Variants in OGA observed in about 807,000 individuals in gnomAD.
The protein encoded by OGA is protein O-GlcNAcase.
OGA carries 21 observed loss-of-function variants against 102.0 expected under a neutral mutation model. That is an observed-to-expected ratio of 0.21 (90% CI 0.15 to 0.30). The LOEUF is 0.30. OGA is among the 10% of genes least tolerant of loss of function. The probability of loss-of-function intolerance (pLI) is 1.00; values close to 1 mark genes in which losing one functional copy is unlikely to be tolerated. For synonymous variants in OGA, 408 were observed against 378.2 expected, an observed-to-expected ratio of 1.08 and a Z score of -0.91; for missense variants, 765 against 1,107.8, an observed-to-expected ratio of 0.69 and a Z score of 4.39.
chr10:101,792,260 G>A (rs966819637), intron 12 of OGA, among the ~76,000 whole-genome samples: 3 of 151,576 alleles, frequency 2.0e-5, no homozygotes, highest in Non-Finnish European at 4.4e-5. Context: ...CGCCTGTCTC[G>A]GCCTCCCAAA....
intron 6 of OGA, among the ~76,000 whole-genome samples, chr10:101,805,726 CG>C (rs947271932): frequency 2.7e-5 from 4 of 149,738 alleles, no homozygotes; most frequent in Non-Finnish European, 5.9e-5. Context: ...GAGGCCAAGG[CG>C]GGTGGATCAC....
At chr10:101,799,745 A>G (rs928074317) in intron 8 of OGA, among the ~76,000 whole-genome samples, 1 of 152,260 alleles carries the variant, frequency 6.6e-6, no homozygotes, top group African/African-American at 2.4e-5. Context: ...TTTTTAAGAG[A>G]AATTAGCATT....
Position 101,818,253 on chromosome 10 carries a change from T to C in OGA, c.-231A>G. ...GTCAGCCGCAGCCTCGGCTTTAAGC[T>C]GGGGCGCCAGAAGCCTAAGCGGAGA... is the stretch of plus-strand genomic sequence containing the variant. On this transcript the variant is annotated 5_prime_UTR_variant, in exon 1 of 16. Transcript: ENST00000361464. The C allele has an allele frequency of 2.3e-6, 3 of 1,316,772 alleles. No individual in the cohort carries two copies. The highest frequency in any genetic ancestry group is 2.9e-6 in the Non-Finnish European group (3 of 1,034,932). 81.6% of individuals were successfully genotyped at this position (1,316,772 alleles called of 1,614,324 possible).
chr10:101,800,507 C>T, intron 7 of OGA, 107 bp from the exon 8 acceptor site: 2 of 821,908 alleles, frequency 2.4e-6, no homozygotes, highest in Non-Finnish European at 3.7e-6. Flanking sequence ...ACCACAGAAA[C>T]AAAGAACAGA....
In OGA at chr10:101,787,759, GCTCTCTCT is replaced by G. The variant is rs139475608; in HGVS notation, c.2455-244_2455-237del. On this transcript the variant is annotated intron_variant, in intron 14 of 15. Transcript: ENST00000361464. The stretch of plus-strand genomic sequence containing the variant: ...CAGGCATTCTCCCTCGCGTGCACGC[GCTCTCTCT>G]CTCTCTCTCTCTCTTTCCCTATTTA... The G allele has an allele frequency of 1.9e-3, 694 of 373,818 alleles. 12 individuals are homozygous for G. In the South Asian group the frequency reaches 0.024, roughly 13 times the overall value. 23.2% of individuals were successfully genotyped at this position (373,818 alleles called of 1,614,324 possible). A position where few individuals can be genotyped will look rare whatever the true frequency, so the allele number is the denominator to read the frequency against.
At chr10:101,809,595 C>T (rs1263058844) in intron 4 of OGA, among the ~76,000 whole-genome samples, 2 of 150,482 alleles carry the variant, frequency 1.3e-5, no homozygotes, top group African/African-American at 4.9e-5. Flanking sequence ...GTGCCTGTAA[C>T]AGCTACTCAG....
chr10:101,787,596 C>T, intron 14 of OGA, 73 bp from the exon 15 acceptor site: 1 of 1,276,070 alleles, frequency 7.8e-7, no homozygotes, highest in East Asian at 2.3e-5. Context: ...CAGAACTTAG[C>T]AACAAGAAAG....
At chr10:101,798,612 C>T (rs1392846496) in intron 9 of OGA, among the ~76,000 whole-genome samples, 1 of 152,020 alleles carries the variant, frequency 6.6e-6, no homozygotes, top group Non-Finnish European at 1.5e-5. Flanking sequence ...TGGGGTTTCA[C>T]CATGTTGGCC....
At chr10:101,793,105 G>C (rs545083280) in intron 11 of OGA, among the ~76,000 whole-genome samples, 162 bp from the exon 12 acceptor site, 51 of 152,280 alleles carry the variant, frequency 3.3e-4, no homozygotes, top group Non-Finnish European at 5.3e-4. Flanking sequence ...CCTCTTTGCT[G>C]GGGGAGGGGA....
chr10:101,786,486 G>A lies in OGA; in HGVS notation c.2716C>T (p.Pro906Ser), dbSNP rs775460845. The A allele has an allele frequency of 1.2e-6, 2 of 1,611,492 alleles. No homozygotes were observed. Among genetic ancestry groups the A allele is most frequent in the Admixed American group, 3.4e-5 (2 of 59,666 alleles). ...CFEIAKMEGF[P>S]KDVVILGRSL ...CGACCAAGTATAACCACATCCTTTG[G>A]AAATCCTTCCATTTTTGCAATTTCA... Residue 906 changes from proline (P) to serine (S), a missense_variant, in exon 16 of 16, where the codon CCA becomes TCA. Physicochemically the swap from Pro to Ser is moderately conservative, Grantham distance 74 (BLOSUM62 -1). Coordinates refer to ENST00000361464, the MANE Select transcript of OGA (RefSeq NM_012215.5).
chr10:101,813,900 T>C (rs1183339282), intron 1 of OGA, among the ~76,000 whole-genome samples: 2 of 152,240 alleles, frequency 1.3e-5, no homozygotes, highest in African/African-American at 2.4e-5. Context: ...CTTTCCACTG[T>C]TGATAAAGTC....
intron 1 of OGA, 70 bp downstream of exon 1, chr10:101,817,754 C>T: frequency 6.7e-7 from 1 of 1,500,014 alleles, no homozygotes; most frequent in East Asian, 2.5e-5. Flanking sequence ...CTCCAAAATC[C>T]CCGCCACCAC....
intron 5 of OGA, among the ~76,000 whole-genome samples, chr10:101,807,279 G>C (rs1034872334): frequency 6.6e-6 from 1 of 152,124 alleles, no homozygotes; most frequent in African/African-American, 2.4e-5. Flanking sequence ...CAAAAAGAAA[G>C]GAAAACGGGA....
Position 101,793,122 on chromosome 10 carries a change from C to T in OGA, c.2071-179G>A, listed in dbSNP as rs1028028728. Among the ~76,000 whole-genome samples, 9 of 152,188 alleles carry T rather than the reference C, an allele frequency of 5.9e-5. No individual in the cohort carries two copies. The East Asian group carries it at 1.7e-3, about 29-fold the overall frequency. ...TCTTTGCTGGGGGAGGGGAGTGCTT[C>T]TGAATAGAAATTACCCACTCTGAGT... On this transcript the variant is annotated intron_variant, in intron 11 of 15. Coordinates refer to ENST00000361464, the MANE Select transcript of OGA (RefSeq NM_012215.5).
intron 3 of OGA, among the ~76,000 whole-genome samples, chr10:101,811,358 C>G (rs532427674): frequency 4.4e-4 from 61 of 139,734 alleles, no homozygotes; most frequent in African/African-American, 1.5e-3. Context: ...CACTGCACCC[C>G]AGTCTGGACG....
chr10:101,787,238 C>T (rs2065201802), intron 15 of OGA, 126 bp downstream of exon 15: 5 of 1,060,892 alleles, frequency 4.7e-6, no homozygotes, highest in Non-Finnish European at 6.7e-6. Flanking sequence ...AATTCAGAAA[C>T]CAAATCATAA....
chr10:101,792,854 A>G lies in OGA; in HGVS notation c.2160T>C (p.Tyr720=), dbSNP rs1316500788. ...AGACAATTACCTCATCCTTAGGAAAATAAGGTCTGATAGTATAAACTTTGG... is the reference window on the plus strand; with the variant it reads ...AGACAATTACCTCATCCTTAGGAAAGTAAGGTCTGATAGTATAAACTTTGG... ...PTSKVYTIRP[Y]FPKDEASVYK... Residue 720 remains tyrosine (Y), a synonymous_variant, in exon 12 of 16, where the codon TAT becomes TAC. Coordinates refer to ENST00000361464, the MANE Select transcript of OGA (RefSeq NM_012215.5). 2 of 1,603,296 alleles carry G rather than the reference A, an allele frequency of 1.2e-6. No homozygotes were observed. The highest frequency in any genetic ancestry group is 2.7e-5 in the African/African-American group (2 of 74,672).
At chr10:101,801,401 A>G (rs1408516393) in intron 7 of OGA, among the ~76,000 whole-genome samples, 1 of 152,004 alleles carries the variant, frequency 6.6e-6, no homozygotes, top group Non-Finnish European at 1.5e-5. Context: ...TCAGAAAAAA[A>G]AAAAAAAAAG....
intron 6 of OGA, among the ~76,000 whole-genome samples, chr10:101,804,383 C>T (rs2065438925): frequency 6.6e-6 from 1 of 151,524 alleles, no homozygotes; most frequent in Non-Finnish European, 1.5e-5. Context: ...CACCATTCTC[C>T]TGCTTCAGCC....
Sources: allele counts gnomAD v4.1 joint callset (sites outside exome capture counted in the v4.1 genomes callset), GRCh38; gene constraint gnomAD v4.1.1; transcripts MANE v1.5; gene names NCBI Gene and HGNC (gene_info 2026-07-23, HGNC 2026-07-21).